The following BNC2 variants were observed in gnomAD, a reference collection of about 807,000 sequenced individuals.
BNC2 encodes zinc finger protein basonuclin-2.
In BNC2, 20 loss-of-function variants were observed where a neutral mutation model predicts 76.3. The ratio of observed to expected loss-of-function variants is 0.26; its 90% CI spans 0.18 to 0.38. The LOEUF is 0.38. BNC2 is among the 10% of genes least tolerant of loss of function. BNC2 has a pLI of 1.00. For missense variants in BNC2, 1,382 were observed against 1,399.8 expected (o/e 0.99, Z 0.20); for synonymous variants, 582 against 514.8 (o/e 1.13, Z -1.77).
Position 16,845,182 on chromosome 9 carries a change from T to G in BNC2, c.3+25464A>C, listed in dbSNP as rs142823914. Among the ~76,000 whole-genome samples, 49 of 152,358 alleles carry G rather than the reference T, an allele frequency of 3.2e-4. 1 individual carries two copies. In the East Asian group the frequency reaches 8.9e-3, roughly 28 times the overall value. On this transcript the variant is annotated intron_variant, in intron 1 of 6. Transcript: ENST00000380672. ...AACTTTCTCTTAGGCAGCCTATCAG[T>G]GTAAATTCGGATTTCTATCATGTTA... is the stretch of plus-strand genomic sequence containing the variant.
chr9:16,502,947 C>G (rs1260881642), intron 5 of BNC2, among the ~76,000 whole-genome samples: 1 of 152,094 alleles, frequency 6.6e-6, no homozygotes, highest in Admixed American at 6.6e-5. Flanking sequence ...GTATTCTAAT[C>G]TACCCTAGAT....
intron 1 of BNC2, among the ~76,000 whole-genome samples, chr9:16,842,761 G>GT (rs199794044): frequency 0.013 from 1,899 of 150,426 alleles, 48 homozygotes; most frequent in African/African-American, 0.044. Flanking sequence ...TTTTTGTTTT[G>GT]TTTTACTTTG....
At chr9:16,796,571 C>CA (rs11373024) in intron 1 of BNC2, among the ~76,000 whole-genome samples, 97,370 of 136,942 alleles carry the variant, frequency 0.71, 36,115 homozygotes, top group Non-Finnish European at 0.85. Flanking sequence ...GACTCCGTCT[C>CA]AAAAAAAAAA....
chr9:16,557,685 C>G (rs765249345), intron 4 of BNC2, among the ~76,000 whole-genome samples: 1 of 151,930 alleles, frequency 6.6e-6, no homozygotes, highest in Non-Finnish European at 1.5e-5. Flanking sequence ...CTGAACTGTA[C>G]TTGCTTAAGT....
chr9:16,546,037 C>A (rs971009692), intron 5 of BNC2, among the ~76,000 whole-genome samples: 2 of 152,140 alleles, frequency 1.3e-5, no homozygotes, highest in Non-Finnish European at 2.9e-5. Flanking sequence ...TTGATACTAA[C>A]GCCTAAAATG....
chr9:16,689,645 TAA>T (rs947982921), intron 3 of BNC2, among the ~76,000 whole-genome samples: 9 of 141,090 alleles, frequency 6.4e-5, no homozygotes, highest in Admixed American at 7.1e-5. Flanking sequence ...AATGTAAGTT[TAA>T]AAAAAAAAAA....
At chr9:16,678,050 G>C (rs2134253813) in intron 3 of BNC2, among the ~76,000 whole-genome samples, 1 of 151,992 alleles carries the variant, frequency 6.6e-6, no homozygotes, top group East Asian at 1.9e-4. Context: ...ACAAAAATGA[G>C]AGGATGCAAA....
intron 1 of BNC2, chr9:16,867,548 T>G (rs1048518250): frequency 2.6e-5 from 4 of 152,182 alleles, no homozygotes; most frequent in African/African-American, 9.7e-5. Context: ...TTCAAATACT[T>G]AAGGAATATT....
chr9:16,807,371 A>C (rs1817940176), intron 1 of BNC2, among the ~76,000 whole-genome samples: 1 of 152,190 alleles, frequency 6.6e-6, no homozygotes, highest in Non-Finnish European at 1.5e-5. Context: ...ATTAACCCAA[A>C]TCTTCTTCTA....
At position 16,418,706 on chromosome 9, in the gene BNC2, G is replaced by C. The variant is rs953741149; in HGVS notation, c.*283C>G. 1.7e-5 allele frequency: 7 copies of C among 417,212 alleles called. No homozygotes were observed. The highest frequency in any genetic ancestry group is 1.3e-4 in the African/African-American group (6 of 47,890). 25.8% of individuals were successfully genotyped at this position (417,212 alleles called of 1,614,324 possible). A position where few individuals can be genotyped will look rare whatever the true frequency, so the allele number is the denominator to read the frequency against. On this transcript the variant is annotated 3_prime_UTR_variant, in exon 7 of 7. Coordinates refer to ENST00000380672, the MANE Select transcript of BNC2 (RefSeq NM_017637.6). The stretch of plus-strand genomic sequence containing the variant: ...TGTGTGTGTGTATGTGCATGTGTGT[G>C]TGTGTGTGTTTAAAGGGGTACTCTG...
At chr9:16,597,523 C>T (rs1468306300) in intron 3 of BNC2, among the ~76,000 whole-genome samples, 6 of 151,820 alleles carry the variant, frequency 4.0e-5, no homozygotes, top group Non-Finnish European at 8.8e-5. Context: ...TATGTATAGC[C>T]AGACAAAAAA....
chr9:16,729,713 C>G (rs1824451889), intron 2 of BNC2, among the ~76,000 whole-genome samples: 1 of 152,102 alleles, frequency 6.6e-6, no homozygotes, highest in Admixed American at 6.5e-5. Context: ...GGAAAATCCC[C>G]TACGAGTCAA....
At chr9:16,520,320 T>G (rs139568195) in intron 5 of BNC2, among the ~76,000 whole-genome samples, 4 of 152,118 alleles carry the variant, frequency 2.6e-5, no homozygotes, top group African/African-American at 9.6e-5. Context: ...GTGAGTGATT[T>G]TGAGGGAAAG....
At chr9:16,685,916 C>T (rs762268599) in intron 3 of BNC2, among the ~76,000 whole-genome samples, 19 of 152,136 alleles carry the variant, frequency 1.2e-4, no homozygotes, top group Non-Finnish European at 1.8e-4. Context: ...TAAATAGCCA[C>T]GGACAGGAGG....
At chr9:16,699,264 C>T (rs914162193) in intron 3 of BNC2, 13 of 466,392 alleles carry the variant, frequency 2.8e-5, no homozygotes. Flanking sequence ...CTTATAGAAG[C>T]ATGCATGGGT....
chr9:16,709,748 T>C (rs1399341256), intron 3 of BNC2, among the ~76,000 whole-genome samples: 2 of 152,222 alleles, frequency 1.3e-5, no homozygotes, highest in East Asian at 3.8e-4. Context: ...GTAAGTTTTG[T>C]TGCCAAAATT....
At position 16,410,473 on chromosome 9, in the gene BNC2, C is replaced by A. The variant is rs1416175096; in HGVS notation, c.*8516G>T. 6.6e-6 allele frequency: 1 copy of A among 152,632 alleles called. No individual in the cohort carries two copies. The highest frequency in any genetic ancestry group is 1.5e-5 in the Non-Finnish European group (1 of 68,048). The allele number at this position is 152,632 out of a possible 1,614,324, so 9.5% of individuals were successfully genotyped here. The stretch of plus-strand genomic sequence containing the variant: ...CTCTCCTGCATTCTTTATACTGGCA[C>A]TGGCAGGAAAATGGTGAGATTCTCT... On this transcript the variant is annotated 3_prime_UTR_variant, in exon 7 of 7. Transcript: ENST00000380672.
At chr9:16,569,631 A>AT (rs1819264719) in intron 4 of BNC2, among the ~76,000 whole-genome samples, 1 of 152,192 alleles carries the variant, frequency 6.6e-6, no homozygotes. Context: ...TGGCTAGTAG[A>AT]TTAAACAGGT....
intron 1 of BNC2, among the ~76,000 whole-genome samples, chr9:16,823,187 G>A (rs913423713): frequency 1.3e-5 from 2 of 152,230 alleles, no homozygotes; most frequent in Non-Finnish European, 2.9e-5. Context: ...AAAACAAACA[G>A]TACTCTTATT....
Sources: gnomAD v4.1 joint callset for allele counts (sites outside exome capture counted in the v4.1 genomes callset) on GRCh38, gnomAD v4.1.1 for gene constraint, MANE v1.5 for transcripts, NCBI Gene and HGNC (gene_info 2026-07-23, HGNC 2026-07-21) for gene names.